The following TRAPPC9 variants were observed in gnomAD, a reference collection of about 807,000 sequenced individuals.
TRAPPC9 encodes the protein IKK2 binding protein.
TRAPPC9 carries 83 observed loss-of-function variants against 124.0 expected under a neutral mutation model. The ratio of observed to expected loss-of-function variants is 0.67; its 90% CI spans 0.56 to 0.80. TRAPPC9 has a LOEUF of 0.80. TRAPPC9 is among the 30% of genes least tolerant of loss of function. TRAPPC9 has a pLI of 0.00. For synonymous variants in TRAPPC9, 638 were observed against 617.5 expected (o/e 1.03, Z -0.49); for missense variants, 1,302 against 1,508.3 (o/e 0.86, Z 2.27).
intron 11 of TRAPPC9, among the ~76,000 whole-genome samples, chr8:140,298,540 C>G (rs956819250): frequency 2.0e-5 from 3 of 152,002 alleles, no homozygotes; most frequent in African/African-American, 7.2e-5. Flanking sequence ...TGGTCCCACC[C>G]ACTCGGGAGG....
intron 15 of TRAPPC9, 32 bp downstream of exon 15, chr8:140,275,626 T>A (rs781068505): frequency 4.3e-6 from 7 of 1,609,538 alleles, no homozygotes; most frequent in Non-Finnish European, 6.0e-6. Context: ...AATACAAACA[T>A]TCCCAGGGTC....
At chr8:139,992,593 C>A (rs897605801) in intron 18 of TRAPPC9, among the ~76,000 whole-genome samples, 2 of 150,498 alleles carry the variant, frequency 1.3e-5, no homozygotes, top group Non-Finnish European at 3.0e-5. Context: ...TAAGAAAAAT[C>A]CCAAAAGGGT....
chr8:139,730,923 G>A lies in TRAPPC9; in HGVS notation c.*138C>T. ...CAGCAAAGATGCTACAGGAGGAACA[G>A]GAGGAGAGGGCTGGGAGGGGTCTGG... is the stretch of plus-strand genomic sequence containing the variant. On this transcript the variant is annotated 3_prime_UTR_variant, in exon 23 of 23. Coordinates refer to ENST00000438773, the MANE Select transcript of TRAPPC9 (RefSeq NM_001160372.4). 1.0e-6 allele frequency: 1 copy of A among 957,254 alleles called. No individual in the cohort carries two copies. Among genetic ancestry groups the A allele is most frequent in the Admixed American group, 2.3e-5 (1 of 43,194 alleles). The allele number at this position is 957,254 out of a possible 1,614,324, so 59.3% of individuals were successfully genotyped here.
chr8:139,864,653 C>A lies in TRAPPC9; in HGVS notation c.3055+21226G>T, dbSNP rs886265251. Among the ~76,000 whole-genome samples the A allele has an allele frequency of 8.5e-5, 13 of 152,152 alleles. 1 individual carries two copies. The highest frequency in any genetic ancestry group is 7.9e-4 in the Admixed American group (12 of 15,270). ...ACCTGCTCCACAGGCCTGCCGGGAG[C>A]AATGGACAGCGTCTGTAGAGCAGAC... On this transcript the variant is annotated intron_variant, in intron 21 of 22. Transcript: ENST00000438773.
chr8:140,289,738 T>A (rs2065594525), intron 12 of TRAPPC9, among the ~76,000 whole-genome samples: 1 of 152,020 alleles, frequency 6.6e-6, no homozygotes, highest in Admixed American at 6.5e-5. Flanking sequence ...TTAACCACTT[T>A]GGGGAAAATT....
chr8:140,388,474 G>A (rs1472242605), intron 7 of TRAPPC9, among the ~76,000 whole-genome samples: 1 of 151,880 alleles, frequency 6.6e-6, no homozygotes, highest in Non-Finnish European at 1.5e-5. Context: ...ACCTGAAGTT[G>A]GGAGTTTGAG....
chr8:139,728,907 G>T lies in TRAPPC9; in HGVS notation c.*2154C>A, dbSNP rs1817676568. Among the ~76,000 whole-genome samples the T allele has an allele frequency of 6.6e-6, 1 of 152,216 alleles. No homozygotes were observed. On this transcript the variant is annotated 3_prime_UTR_variant, in exon 23 of 23. Coordinates refer to ENST00000438773, the MANE Select transcript of TRAPPC9 (RefSeq NM_001160372.4). ...AACTAAAAAATATAGAAAACTGCAA[G>T]AAATAATTACAGTCACCAATATGCT...
chr8:140,008,315 G>A (rs996518112), intron 18 of TRAPPC9, among the ~76,000 whole-genome samples: 2 of 152,190 alleles, frequency 1.3e-5, no homozygotes, highest in Non-Finnish European at 2.9e-5. Flanking sequence ...ACAAAAGCAG[G>A]TCTCAGTGCA....
At chr8:140,243,074 G>T (rs1223194454) in intron 16 of TRAPPC9, among the ~76,000 whole-genome samples, 1 of 152,186 alleles carries the variant, frequency 6.6e-6, no homozygotes, top group Non-Finnish European at 1.5e-5. Context: ...CCAGAGAATG[G>T]GTCAGAAACA....
intron 9 of TRAPPC9, among the ~76,000 whole-genome samples, chr8:140,313,395 G>GT (rs1278888579): frequency 6.6e-6 from 1 of 152,184 alleles, no homozygotes; most frequent in African/African-American, 2.4e-5. Flanking sequence ...GCACCACAGT[G>GT]TATCACTCGG....
intron 18 of TRAPPC9, among the ~76,000 whole-genome samples, chr8:139,989,321 G>T (rs1342397025): frequency 6.6e-6 from 1 of 152,100 alleles, no homozygotes; most frequent in Non-Finnish European, 1.5e-5. Context: ...GTGTGTGTGT[G>T]CACATCCAGC....
At chr8:140,186,786 G>A (rs1203762139) in intron 17 of TRAPPC9, among the ~76,000 whole-genome samples, 1 of 152,186 alleles carries the variant, frequency 6.6e-6, no homozygotes, top group African/African-American at 2.4e-5. Context: ...TACAGCTGGT[G>A]AAACACTTGC....
At chr8:140,099,713 C>G (rs375410430) in intron 17 of TRAPPC9, 26 of 151,794 alleles carry the variant, frequency 1.7e-4, no homozygotes, top group African/African-American at 6.1e-4. Flanking sequence ...CCACAGGGTA[C>G]TGACACCCGC....
At chr8:139,858,739 T>C (rs2130967328) in intron 21 of TRAPPC9, among the ~76,000 whole-genome samples, 1 of 151,930 alleles carries the variant, frequency 6.6e-6, no homozygotes, top group African/African-American at 2.4e-5. Context: ...TGCTCAATGA[T>C]AATGCTCTGT....
chr8:139,852,036 G>A (rs2130934597), intron 21 of TRAPPC9, among the ~76,000 whole-genome samples: 1 of 152,294 alleles, frequency 6.6e-6, no homozygotes, highest in East Asian at 1.9e-4. Flanking sequence ...CCCGTGGGAG[G>A]TAATTGAATC....
At chr8:140,228,242 C>CA (rs2063500802) in intron 16 of TRAPPC9, among the ~76,000 whole-genome samples, 1 of 152,188 alleles carries the variant, frequency 6.6e-6, no homozygotes, top group Non-Finnish European at 1.5e-5. Flanking sequence ...CAGGAGGCAA[C>CA]AATCGCTCAG....
rs373345162 is a variant in TRAPPC9, at chr8:139,732,117, C to T, written c.3141G>A (p.Leu1047=). ...CTACGCTGCGCGGGCTCCGGTTGGT[C>T]AGCCGCACCTCCAGGCGCACGGGGT... ...VGDPVRLEVR[L]TNRSPRSVGP... is the part of the protein sequence containing the mutation. The change falls in exon 22 of 23, where the codon CTG becomes CTA. Residue 1047 remains leucine, a synonymous_variant. Coordinates refer to ENST00000438773, the MANE Select transcript of TRAPPC9 (RefSeq NM_001160372.4). The T allele has an allele frequency of 1.0e-5, 16 of 1,607,150 alleles. No homozygotes were observed. In the African/African-American group the frequency reaches 2.1e-4, roughly 21 times the overall value.
chr8:140,405,325 C>A, intron 6 of TRAPPC9: 1 of 357,724 alleles, frequency 2.8e-6, no homozygotes, highest in East Asian at 6.0e-5. Context: ...TATTAACAAT[C>A]ATTATCTGTG....
intron 21 of TRAPPC9, among the ~76,000 whole-genome samples, chr8:139,867,336 G>A (rs891162459): frequency 1.3e-5 from 2 of 152,160 alleles, no homozygotes; most frequent in Admixed American, 6.5e-5. Flanking sequence ...TCTGGGTATC[G>A]AAATAACTAA....
Sources: gnomAD v4.1 joint callset for allele counts (sites outside exome capture counted in the v4.1 genomes callset) on GRCh38, gnomAD v4.1.1 for gene constraint, MANE v1.5 for transcripts, NCBI Gene and HGNC (gene_info 2026-07-23, HGNC 2026-07-21) for gene names.